DCBLD2: variants seen among roughly 807,000 people sequenced by gnomAD.
DCBLD2 encodes the protein discoidin, CUB and LCCL domain-containing protein 2.
Under a neutral mutation model 86.8 loss-of-function variants are expected in DCBLD2, and 54 were observed. The observed-to-expected ratio is 0.62, with a 90% confidence interval of 0.50 to 0.78. The LOEUF is 0.78. Ranked by LOEUF, DCBLD2 falls within the 30% of genes least tolerant of loss-of-function variation. The pLI is 0.00. For synonymous variants in DCBLD2, 354 were observed against 341.3 expected (o/e 1.04, Z -0.41); for missense variants, 908 against 954.2 (o/e 0.95, Z 0.64).
At chr3:98,841,623 A>G (rs1942622523) in intron 3 of DCBLD2, among the ~76,000 whole-genome samples, 1 of 152,206 alleles carries the variant, frequency 6.6e-6, no homozygotes, top group Admixed American at 6.5e-5. Context: ...TTTTCCTTCA[A>G]TACTGTTTTG....
intron 2 of DCBLD2, among the ~76,000 whole-genome samples, chr3:98,877,587 A>T (rs1262841670): frequency 1.3e-4 from 1 of 7,846 alleles, no homozygotes; most frequent in East Asian, 0.17. Context: ...ATATAAAAAG[A>T]TATAACAGGT....
chr3:98,802,988 C>G (rs1231040532), intron 13 of DCBLD2, among the ~76,000 whole-genome samples: 1 of 152,172 alleles, frequency 6.6e-6, no homozygotes, highest in African/African-American at 2.4e-5. Context: ...AACGTGATGC[C>G]TCCAGCTTTG....
chr3:98,896,871 CATCATTCCAT>C (rs1284590347), intron 1 of DCBLD2, among the ~76,000 whole-genome samples: 2 of 152,138 alleles, frequency 1.3e-5, no homozygotes, highest in African/African-American at 2.4e-5. Context: ...ACTGTTGGGT[CATCATTCCAT>C]ATCCTTCCAA....
At chr3:98,890,929 G>C (rs1943649597) in intron 1 of DCBLD2, among the ~76,000 whole-genome samples, 1 of 152,034 alleles carries the variant, frequency 6.6e-6, no homozygotes, top group Non-Finnish European at 1.5e-5. Flanking sequence ...CTTTTGCTCA[G>C]AAGTTCCACT....
rs141432727 is a variant in DCBLD2 at position 98,799,585 on chromosome 3, C to T, written c.2115G>A (p.Gly705=). The change falls in exon 16 of 16, where the codon GGG becomes GGA. Residue 705 remains glycine (G), a synonymous_variant. Transcript: ENST00000326840. ...QPSTSTFKAT[G]NQPPPLVGTY... is the part of the protein sequence containing the mutation. ...TTCCCACTAGTGGGGGAGGTTGGTT[C>T]CCCGTAGCCTTGAAAGTGGATGTGG... 2,228 of 1,613,944 alleles carry T rather than the reference C, an allele frequency of 1.4e-3. 24 individuals carry two copies. The highest frequency in any genetic ancestry group is 0.013 in the South Asian group (1,225 of 91,082).
In DCBLD2 at chr3:98,861,144, G is replaced by A. The variant is rs566255084; in HGVS notation, c.434-11546C>T. Among the ~76,000 whole-genome samples, 88 of 152,262 alleles carry A rather than the reference G, an allele frequency of 5.8e-4. 3 individuals are homozygous for A. Among genetic ancestry groups the A allele is most frequent in the South Asian group, 2.1e-3 (10 of 4,830 alleles). On this transcript the variant is annotated intron_variant, in intron 2 of 15. Coordinates refer to ENST00000326840, the MANE Select transcript of DCBLD2 (RefSeq NM_080927.4). ...AGACAAAGAAGGCCATTACATAATG[G>A]TAAAGGGATCAATTCAACAAGAAGA...
At chr3:98,876,814 G>C (rs978742363) in intron 2 of DCBLD2, among the ~76,000 whole-genome samples, 1 of 152,116 alleles carries the variant, frequency 6.6e-6, no homozygotes, top group Non-Finnish European at 1.5e-5. Context: ...CCACATGATG[G>C]AGTTCTATAC....
chr3:98,873,301 A>C (rs1246015713), intron 2 of DCBLD2, among the ~76,000 whole-genome samples: 2 of 152,096 alleles, frequency 1.3e-5, no homozygotes, highest in African/African-American at 4.8e-5. Flanking sequence ...TATATAGAAG[A>C]CAGAAACAGC....
At chr3:98,842,953 C>T (rs1280719550) in intron 3 of DCBLD2, among the ~76,000 whole-genome samples, 3 of 152,214 alleles carry the variant, frequency 2.0e-5, no homozygotes, top group Non-Finnish European at 2.9e-5. Context: ...CTCAGCACTC[C>T]TAATATGCCA....
chr3:98,864,661 A>G (rs1290635226), intron 2 of DCBLD2, among the ~76,000 whole-genome samples: 1 of 152,158 alleles, frequency 6.6e-6, no homozygotes, highest in Non-Finnish European at 1.5e-5. Context: ...CAATGAGAAC[A>G]CTTGGACACA....
At chr3:98,869,250 T>A (rs1430266427) in intron 2 of DCBLD2, among the ~76,000 whole-genome samples, 1 of 152,242 alleles carries the variant, frequency 6.6e-6, no homozygotes, top group African/African-American at 2.4e-5. Context: ...TTGTGTATCT[T>A]CTTTTGAGAA....
Position 98,867,637 on chromosome 3 carries a change from T to C in DCBLD2, c.433+13903A>G, listed in dbSNP as rs138068317. On this transcript the variant is annotated intron_variant, in intron 2 of 15. Transcript: ENST00000326840. Reference sequence around the variant, plus strand: ...ATATCCTTAGAAAACTAATAGACTTTAAAGGTAAAGAAAAAAATCCTCATG... The same window carrying C: ...ATATCCTTAGAAAACTAATAGACTTCAAAGGTAAAGAAAAAAATCCTCATG... Among the ~76,000 whole-genome samples the C allele has an allele frequency of 7.0e-3, 1,071 of 152,172 alleles. 8 individuals carry two copies. Among genetic ancestry groups the C allele is most frequent in the African/African-American group, 0.019 (798 of 41,522 alleles).
intron 2 of DCBLD2, among the ~76,000 whole-genome samples, chr3:98,870,806 A>G (rs2960190): frequency 0.032 from 3,884 of 122,948 alleles, 78 homozygotes; most frequent in South Asian, 0.037. Flanking sequence ...AGAAAGAAAG[A>G]AAGAAAGGTA....
At chr3:98,878,494 A>AG (rs972843249) in intron 2 of DCBLD2, among the ~76,000 whole-genome samples, 10 of 106,028 alleles carry the variant, frequency 9.4e-5, no homozygotes, top group African/African-American at 3.2e-4. Context: ...AACATGATAT[A>AG]GGGGGAAAAA....
In DCBLD2 at chr3:98,823,992, A is replaced by G. The variant is rs189875508; in HGVS notation, c.624-1251T>C. Among the ~76,000 whole-genome samples, 98 of 152,240 alleles carry G rather than the reference A, an allele frequency of 6.4e-4. 1 individual carries two copies. The highest frequency in any genetic ancestry group is 2.0e-3 in the Admixed American group (30 of 15,288). ...CTAGAACAAGTGGTGGGAAATGCAC[A>G]TTAGTCAGAGGGATGAGCACAGCAT... On this transcript the variant is annotated intron_variant, in intron 4 of 15. Coordinates refer to ENST00000326840, the MANE Select transcript of DCBLD2 (RefSeq NM_080927.4).
chr3:98,856,803 T>A (rs1456516378), intron 2 of DCBLD2, among the ~76,000 whole-genome samples: 2 of 151,498 alleles, frequency 1.3e-5, no homozygotes, highest in African/African-American at 2.4e-5. Context: ...CACAAGGAAT[T>A]ACAGATTCTA....
chr3:98,835,938 C>CTTTTTTTT (rs66958811), intron 3 of DCBLD2, among the ~76,000 whole-genome samples: 16 of 115,060 alleles, frequency 1.4e-4, no homozygotes, highest in South Asian at 3.0e-4. Context: ...TCCTTTCTTT[C>CTTTTTTTT]TTTTTTTTTT....
chr3:98,897,384 AG>A (rs1943767904), intron 1 of DCBLD2, among the ~76,000 whole-genome samples: 1 of 152,194 alleles, frequency 6.6e-6, no homozygotes, highest in Non-Finnish European at 1.5e-5. Flanking sequence ...ATAGCAGAAA[AG>A]GATGCTTTGA....
intron 6 of DCBLD2, chr3:98,822,011 A>G (rs985734345): frequency 4.3e-5 from 26 of 607,564 alleles, no homozygotes; most frequent in Non-Finnish European, 7.0e-5. Context: ...ACGCCACTGC[A>G]CTCCAGCCTG....
Sources: allele counts gnomAD v4.1 joint callset (sites outside exome capture counted in the v4.1 genomes callset), GRCh38; gene constraint gnomAD v4.1.1; transcripts MANE v1.5; gene names NCBI Gene and HGNC (gene_info 2026-07-23, HGNC 2026-07-21).